SUCLA2: variants seen among roughly 807,000 people sequenced by gnomAD.
SUCLA2 encodes succinate-CoA ligase ADP-forming subunit beta, also known as succinate--CoA ligase [ADP-forming] subunit beta, mitochondrial.
In SUCLA2, 30 loss-of-function variants were observed where a neutral mutation model predicts 54.8. That is an observed-to-expected ratio of 0.55 (90% CI 0.41 to 0.74). The LOEUF is 0.74. SUCLA2 is among the 30% of genes least tolerant of loss of function. The probability of loss-of-function intolerance (pLI) is 0.00; values close to 1 mark genes in which losing one functional copy is unlikely to be tolerated. For missense variants in SUCLA2, 476 were observed against 562.9 expected (o/e 0.85, Z 1.56); for synonymous variants, 172 against 188.9 (o/e 0.91, Z 0.74).
chr13:47,997,974 C>T (rs1423637340), intron 1 of SUCLA2, among the ~76,000 whole-genome samples: 1 of 152,056 alleles, frequency 6.6e-6, no homozygotes, highest in Non-Finnish European at 1.5e-5. Flanking sequence ...TCTTAAGAAC[C>T]CTACAGTTAT....
At chr13:47,980,363 T>A (rs1356852791) in intron 4 of SUCLA2, among the ~76,000 whole-genome samples, 1 of 151,638 alleles carries the variant, frequency 6.6e-6, no homozygotes, top group African/African-American at 2.4e-5. Context: ...TGCAGTGAGC[T>A]GAGATCATAC....
intron 6 of SUCLA2, among the ~76,000 whole-genome samples, chr13:47,960,704 TAA>T (rs879851196): frequency 2.8e-5 from 4 of 143,818 alleles, no homozygotes; most frequent in Non-Finnish European, 1.5e-5. Flanking sequence ...ATTAAGTAGT[TAA>T]AAAAAAAAAA....
Position 47,982,635 on chromosome 13 carries a change from T to C in SUCLA2, c.534+5906A>G, listed in dbSNP as rs114330302. 5.9e-3 allele frequency among the ~76,000 whole-genome samples: 895 copies of C among 152,230 alleles called. 12 individuals are homozygous for C. The highest frequency in any genetic ancestry group is 0.02 in the African/African-American group (811 of 41,528). On this transcript the variant is annotated intron_variant, in intron 4 of 10. Coordinates refer to ENST00000646932, the MANE Select transcript of SUCLA2 (RefSeq NM_003850.3). ...CTCTCCCTCCTTCCTTCCTTCCTTC[T>C]TTCTTTCTGAGAATGCACTATTATA...
chr13:47,994,806 CTTA>C (rs1400291685), intron 2 of SUCLA2: 3 of 985,010 alleles, frequency 3.0e-6, no homozygotes, highest in Admixed American at 6.1e-5. Flanking sequence ...CTACCTGCTT[CTTA>C]TTACTTGTGA....
intron 10 of SUCLA2, among the ~76,000 whole-genome samples, chr13:47,943,977 C>T (rs1949709426): frequency 6.6e-6 from 1 of 151,758 alleles, no homozygotes; most frequent in Non-Finnish European, 1.5e-5. Flanking sequence ...ACCTGAGTTC[C>T]AATTCTCTCT....
chr13:47,971,834 A>T, intron 5 of SUCLA2: 1 of 398,632 alleles, frequency 2.5e-6, no homozygotes, highest in Non-Finnish European at 4.4e-6. Context: ...TAAAATCCAG[A>T]CTACGAAAAA....
chr13:47,970,122 A>G (rs1015290049), intron 5 of SUCLA2, among the ~76,000 whole-genome samples: 3 of 145,196 alleles, frequency 2.1e-5, no homozygotes, highest in Admixed American at 2.1e-4. Context: ...AAAAAAAAAA[A>G]GCACTAAGGA....
At chr13:47,968,365 G>A (rs1232475886) in intron 6 of SUCLA2, among the ~76,000 whole-genome samples, 7 of 152,158 alleles carry the variant, frequency 4.6e-5, no homozygotes, top group Non-Finnish European at 7.3e-5. Context: ...CTCTGTGCAC[G>A]TCTCTATAAG....
chr13:47,971,230 G>A (rs1297630915), intron 5 of SUCLA2, among the ~76,000 whole-genome samples: 1 of 152,046 alleles, frequency 6.6e-6, no homozygotes, highest in Non-Finnish European at 1.5e-5. Flanking sequence ...CTGCCAATAT[G>A]GTGAAACCCT....
intron 8 of SUCLA2, among the ~76,000 whole-genome samples, chr13:47,952,633 A>T (rs2137692252): frequency 6.6e-6 from 1 of 152,190 alleles, no homozygotes; most frequent in African/African-American, 2.4e-5. Context: ...ACCCTATCTC[A>T]GAAATGCCTC....
chr13:47,951,310 C>T (rs1949773563), intron 8 of SUCLA2, among the ~76,000 whole-genome samples: 3 of 144,838 alleles, frequency 2.1e-5, no homozygotes, highest in African/African-American at 5.0e-5. Flanking sequence ...TCTAGTCCGC[C>T]ACCCCGCCCC....
chr13:47,979,004 G>C (rs984782185), intron 4 of SUCLA2, among the ~76,000 whole-genome samples: 1 of 152,186 alleles, frequency 6.6e-6, no homozygotes, highest in Admixed American at 6.5e-5. Flanking sequence ...TCATTAAAAA[G>C]TCAGGAAACA....
chr13:47,953,909 T>C (rs1489110929), intron 8 of SUCLA2, among the ~76,000 whole-genome samples: 1 of 152,060 alleles, frequency 6.6e-6, no homozygotes, highest in Non-Finnish European at 1.5e-5. Context: ...TAGTTCTAAA[T>C]TATGGCACAT....
rs781556047 is a variant in SUCLA2, at chr13:47,997,024, C to T, written c.91-1G>A. ...TAAACAATCCAGAACTTCCCAGAAC[C>T]TAGAAAGATTGGGGACATATTTATA... is the stretch of plus-strand genomic sequence containing the variant. On this transcript the variant is annotated splice_acceptor_variant, in intron 1 of 10. Transcript: ENST00000646932. LOFTEE classifies it high-confidence loss of function. 2 of 1,614,010 alleles carry T rather than the reference C, an allele frequency of 1.2e-6. No homozygotes were observed. Among genetic ancestry groups the T allele is most frequent in the Non-Finnish European group, 1.7e-6 (2 of 1,179,976 alleles).
At chr13:47,999,810 G>A (rs1169336980) in intron 1 of SUCLA2, among the ~76,000 whole-genome samples, 3 of 152,116 alleles carry the variant, frequency 2.0e-5, no homozygotes, top group East Asian at 3.9e-4. Flanking sequence ...ATCTACAAAA[G>A]CAAAGGGTTG....
chr13:47,956,792 C>CCAAGCACAGGACAGCCTCCCATAA (rs1228327338), intron 6 of SUCLA2: 2 of 152,078 alleles, frequency 1.3e-5, no homozygotes, highest in African/African-American at 4.8e-5. Context: ...AAACATCCGA[C>CCAAGCACAGGACAGCCTCCCATAA]CAAGCACAGG....
At position 47,949,563 on chromosome 13, in the gene SUCLA2, C is replaced by A; in HGVS notation, c.1148G>T (p.Arg383Leu). The part of the protein sequence containing the change: ...ILVNIFGGIM[R>L]CDVIAQGIVM... The stretch of plus-strand genomic sequence containing the variant: ...TATACCCTGTGCAATAACATCACAG[C>A]GCATGATTCCTCCAAAAATGTTGAC... Residue 383 changes from arginine (R) to leucine (L), a missense_variant, in exon 9 of 11, where the codon CGC becomes CTC. Physicochemically the swap from Arg to Leu is moderately radical, Grantham distance 102 (BLOSUM62 -2). Around this residue, in one of 2 missense-constraint regions of SUCLA2, gnomAD observed 342 missense variants for 444.2 expected, o/e 0.77. Transcript: ENST00000646932. 1.9e-6 allele frequency: 3 copies of A among 1,613,304 alleles called. No individual in the cohort carries two copies. Among genetic ancestry groups the A allele is most frequent in the Non-Finnish European group, 2.5e-6 (3 of 1,179,478 alleles).
At chr13:47,955,702 C>T (rs535054681) in intron 6 of SUCLA2, among the ~76,000 whole-genome samples, 2 of 152,086 alleles carry the variant, frequency 1.3e-5, no homozygotes, top group South Asian at 4.2e-4. Flanking sequence ...TTTTTCCTGC[C>T]ATTCTCTCTT....
chr13:47,971,976 C>T lies in SUCLA2; in HGVS notation c.663+1288G>A, dbSNP rs555731376. ...AGTCAACAACAATGAAGGGACCGGA[C>T]GCGGTGGCTCACGCCTGTAATCTTA... On this transcript the variant is annotated intron_variant, in intron 5 of 10. Coordinates refer to ENST00000646932, the MANE Select transcript of SUCLA2 (RefSeq NM_003850.3). 33 of 397,576 alleles carry T rather than the reference C, an allele frequency of 8.3e-5. No individual in the cohort carries two copies. The South Asian group carries it at 1.3e-3, about 15-fold the overall frequency. 24.6% of individuals were successfully genotyped at this position (397,576 alleles called of 1,614,324 possible). A position where few individuals can be genotyped will look rare whatever the true frequency, so the allele number is the denominator to read the frequency against.
Sources: allele counts gnomAD v4.1 joint callset (sites outside exome capture counted in the v4.1 genomes callset), GRCh38; gene constraint gnomAD v4.1.1; regional missense constraint gnomAD v4.1.1; transcripts MANE v1.5; gene names NCBI Gene and HGNC (gene_info 2026-07-23, HGNC 2026-07-21).